CHD6: variants seen among roughly 807,000 people sequenced by gnomAD.
The protein encoded by CHD6 is chromodomain helicase DNA binding protein 6.
In CHD6, 50 loss-of-function variants were observed where a neutral mutation model predicts 276.9. The observed-to-expected ratio is 0.18, with a 90% confidence interval of 0.14 to 0.23. The LOEUF is 0.23. Ranked by LOEUF, CHD6 falls within the 10% of genes least tolerant of loss-of-function variation. The probability of loss-of-function intolerance (pLI) is 1.00; values close to 1 mark genes in which losing one functional copy is unlikely to be tolerated. For synonymous variants in CHD6, 1,173 were observed against 1,229.3 expected, an observed-to-expected ratio of 0.95 and a Z score of 0.96; for missense variants, 2,564 against 3,365.8, an observed-to-expected ratio of 0.76 and a Z score of 5.89.
rs1229792985 is a variant in CHD6, at chr20:41,421,096, A to C, written c.5539T>G (p.Leu1847Val). The C allele has an allele frequency of 6.2e-7, 1 of 1,614,116 alleles. No homozygotes were observed. Among genetic ancestry groups the C allele is most frequent in the Non-Finnish European group, 8.5e-7 (1 of 1,180,036 alleles). ...CTTTCTAAGCTTTTGTTTTCCAATA[A>C]ATCAATTAATTGCTGATCTGATGAC... ...NLSSDQQLID[L>V]LENKSLESKL... The change falls in exon 31 of 37, where the codon TTA becomes GTA. Residue 1847 changes from leucine to valine, a missense_variant. Leu to Val is a conservative substitution (Grantham distance 32). Coordinates refer to ENST00000373233, the MANE Select transcript of CHD6 (RefSeq NM_032221.5).
intron 2 of CHD6, among the ~76,000 whole-genome samples, chr20:41,549,499 G>C (rs1345392873): frequency 1.0e-4 from 10 of 95,456 alleles, no homozygotes; most frequent in South Asian, 5.2e-4. Flanking sequence ...GTTGTGGGGT[G>C]GGGGGAGGGG....
At chr20:41,553,419 C>A (rs192070289) in intron 1 of CHD6, among the ~76,000 whole-genome samples, 1 of 152,204 alleles carries the variant, frequency 6.6e-6, no homozygotes, top group Non-Finnish European at 1.5e-5. Flanking sequence ...CTCACAGGCA[C>A]GTTCCAGCTC....
At chr20:41,599,940 C>A (rs2045757184) in intron 1 of CHD6, among the ~76,000 whole-genome samples, 1 of 152,210 alleles carries the variant, frequency 6.6e-6, no homozygotes, top group Admixed American at 6.5e-5. Context: ...GGAAAGGACA[C>A]AGAAACAGGA....
At chr20:41,490,228 T>C (rs1423203840) in intron 11 of CHD6, among the ~76,000 whole-genome samples, 1 of 152,142 alleles carries the variant, frequency 6.6e-6, no homozygotes, top group Admixed American at 6.5e-5. Context: ...TGGGAGAAAA[T>C]ACAGTCATGT....
At chr20:41,464,086 A>G (rs1304910592) in intron 17 of CHD6, among the ~76,000 whole-genome samples, 1 of 152,218 alleles carries the variant, frequency 6.6e-6, no homozygotes, top group Non-Finnish European at 1.5e-5. Context: ...CAGCTGGTGA[A>G]TCTGGATAAA....
intron 24 of CHD6, among the ~76,000 whole-genome samples, chr20:41,446,464 A>G (rs2048072923): frequency 6.6e-6 from 1 of 152,200 alleles, no homozygotes; most frequent in African/African-American, 2.4e-5. Flanking sequence ...GAGAGCTCAC[A>G]TAAACCCTAA....
At chr20:41,528,933 G>A (rs998871348) in intron 3 of CHD6, among the ~76,000 whole-genome samples, 14 of 152,168 alleles carry the variant, frequency 9.2e-5, no homozygotes, top group African/African-American at 3.1e-4. Context: ...CATGGAGTAT[G>A]CAAACTGAAA....
rs372304047 is a variant in CHD6 at position 41,414,702 on chromosome 20, T to C, written c.6939+484A>G. 8 of 365,268 alleles carry C rather than the reference T, an allele frequency of 2.2e-5. No individual in the cohort carries two copies. In the East Asian group the frequency reaches 5.0e-4, roughly 23 times the overall value. 22.6% of individuals were successfully genotyped at this position (365,268 alleles called of 1,614,324 possible). The stretch of plus-strand genomic sequence containing the variant: ...TTCAACCCTCCGTGGTAGATGCTGT[T>C]GCCCCACTTTACACAGGAGCAAAGT... On this transcript the variant is annotated intron_variant, in intron 34 of 36. Transcript: ENST00000373233.
chr20:41,591,605 A>C (rs2146263041), intron 1 of CHD6, among the ~76,000 whole-genome samples: 1 of 152,254 alleles, frequency 6.6e-6, no homozygotes, highest in African/African-American at 2.4e-5. Flanking sequence ...AGGCAGGAGA[A>C]TCACTTGAAC....
intron 14 of CHD6, among the ~76,000 whole-genome samples, chr20:41,486,726 T>C (rs2043423774): frequency 6.6e-6 from 1 of 152,176 alleles, no homozygotes; most frequent in Non-Finnish European, 1.5e-5. Flanking sequence ...CCTTTCAACA[T>C]CTTCCCACAA....
At position 41,421,046 on chromosome 20, in the gene CHD6, G is replaced by A; in HGVS notation, c.5589C>T (p.His1863=). 6.2e-7 allele frequency: 1 copy of A among 1,613,870 alleles called. No homozygotes were observed. Among genetic ancestry groups the A allele is most frequent in the Non-Finnish European group, 8.5e-7 (1 of 1,179,972 alleles). ...LESKLILSQN[H]SDEEEEEEEN... ...CCTCCTCTTCTTCCTCCTCATCACT[G>A]TGGTTCTGACTCAAAATCAATTTAC... The change falls in exon 31 of 37, where the codon CAC becomes CAT. Residue 1863 remains histidine, a synonymous_variant. Transcript: ENST00000373233.
intron 1 of CHD6, among the ~76,000 whole-genome samples, chr20:41,596,053 G>A (rs1051744375): frequency 4.0e-4 from 60 of 151,796 alleles, no homozygotes; most frequent in African/African-American, 1.3e-3. Flanking sequence ...CCCACCCACC[G>A]CTCTGCCCCA....
intron 1 of CHD6, among the ~76,000 whole-genome samples, chr20:41,554,955 A>G (rs200874403): frequency 0.37 from 53,479 of 142,672 alleles, 11,386 homozygotes; most frequent in African/African-American, 0.63. Flanking sequence ...CAGTAGGGGC[A>G]GCCGGGCAGA....
At chr20:41,407,296 T>A (rs1388270588) in intron 36 of CHD6, among the ~76,000 whole-genome samples, 1 of 152,024 alleles carries the variant, frequency 6.6e-6, no homozygotes, top group South Asian at 2.1e-4. Context: ...TCCTTGTCTG[T>A]GGGAATCAGA....
chr20:41,559,635 A>G (rs990496021), intron 1 of CHD6, among the ~76,000 whole-genome samples: 1 of 151,930 alleles, frequency 6.6e-6, no homozygotes, highest in Non-Finnish European at 1.5e-5. Context: ...CTTAAATATC[A>G]CTGTTCCCAG....
intron 2 of CHD6, among the ~76,000 whole-genome samples, chr20:41,545,490 C>T (rs907539897): frequency 1.3e-5 from 2 of 152,050 alleles, no homozygotes; most frequent in African/African-American, 4.8e-5. Context: ...GTCATCTAGG[C>T]TAGTTATTGG....
Position 41,512,872 on chromosome 20 carries a change from C to T in CHD6, c.826G>A (p.Ala276Thr), listed in dbSNP as rs781674184. 17 of 1,613,998 alleles carry T rather than the reference C, an allele frequency of 1.1e-5. No individual in the cohort carries two copies. Among genetic ancestry groups the T allele is most frequent in the Middle Eastern group, 3.3e-4 (2 of 6,058 alleles). Residue 276 changes from alanine (A) to threonine (T), a missense_variant, in exon 5 of 37, where the codon GCC (alanine) becomes ACC (threonine). Physicochemically the swap from Ala to Thr is moderately conservative, Grantham distance 58. Transcript: ENST00000373233. ...LGAGRTSALS[A>T]STLAWQAEEP... Reference sequence around the variant, plus strand: ...TCCGCCTGCCAGGCCAGTGTAGAGGCTGAGAGTGCAGATGTTCGACCAGCT... The same window carrying T: ...TCCGCCTGCCAGGCCAGTGTAGAGGTTGAGAGTGCAGATGTTCGACCAGCT...
chr20:41,431,776 CTTTT>C (rs61227802), intron 27 of CHD6, among the ~76,000 whole-genome samples: 3 of 104,756 alleles, frequency 2.9e-5, no homozygotes, highest in Admixed American at 1.0e-4. Flanking sequence ...AAAAAACATG[CTTTT>C]TTTTTTTTTT....
rs537954925 is a variant in CHD6 at position 41,560,108 on chromosome 20, C to T, written c.-23-8748G>A. Among the ~76,000 whole-genome samples the T allele has an allele frequency of 1.4e-4, 22 of 152,194 alleles. No individual in the cohort carries two copies. In the South Asian group the frequency reaches 2.3e-3, roughly 16 times the overall value. On this transcript the variant is annotated intron_variant, in intron 1 of 36. Coordinates refer to ENST00000373233, the MANE Select transcript of CHD6 (RefSeq NM_032221.5). ...TTTGCCTGAAACAGCCTCTTAAGTG[C>T]TTCTCTATTTTCCATGTCTCCTACC... is the stretch of plus-strand genomic sequence containing the variant.
Sources: allele counts gnomAD v4.1 joint callset (sites outside exome capture counted in the v4.1 genomes callset), GRCh38; gene constraint gnomAD v4.1.1; transcripts MANE v1.5; gene names NCBI Gene and HGNC (gene_info 2026-07-23, HGNC 2026-07-21).